Variants in FNDC3A observed in about 807,000 individuals in gnomAD.
FNDC3A encodes the protein fibronectin type-III domain-containing protein 3A.
In FNDC3A, 32 loss-of-function variants were observed where a neutral mutation model predicts 148.9. The observed-to-expected ratio is 0.21, with a 90% CI of 0.16 to 0.29. The LOEUF is 0.29. Among genes scored for constraint, FNDC3A ranks in the 10% least tolerant of loss-of-function variants. The pLI, the probability that FNDC3A is intolerant of heterozygous loss-of-function variation, is 1.00. For synonymous variants in FNDC3A, 472 were observed against 473.6 expected (o/e 1.00, Z 0.04); for missense variants, 1,191 against 1,452.8 (o/e 0.82, Z 2.93).
At chr13:48,985,282 TG>T (rs1951766665) in intron 1 of FNDC3A, among the ~76,000 whole-genome samples, 1 of 152,224 alleles carries the variant, frequency 6.6e-6, no homozygotes, top group Non-Finnish European at 1.5e-5. Context: ...TGTTAAGTTT[TG>T]AAGGAATACT....
chr13:49,176,132 C>T (rs1042222320), intron 13 of FNDC3A, among the ~76,000 whole-genome samples: 5 of 152,082 alleles, frequency 3.3e-5, no homozygotes, highest in Admixed American at 2.6e-4. Flanking sequence ...GTTCATCAGG[C>T]ATATTGGCCT....
intron 17 of FNDC3A, among the ~76,000 whole-genome samples, 170 bp from the exon 18 acceptor site, chr13:49,190,840 TATTTA>T (rs1885847949): frequency 6.6e-6 from 1 of 152,236 alleles, no homozygotes; most frequent in Non-Finnish European, 1.5e-5. Context: ...TTTGAGTTTT[TATTTA>T]ATTGGGTTTT....
intron 2 of FNDC3A, among the ~76,000 whole-genome samples, chr13:49,014,951 G>C (rs1952459332): frequency 6.6e-6 from 1 of 150,758 alleles, no homozygotes; most frequent in Non-Finnish European, 1.5e-5. Context: ...CTGTTCCATT[G>C]ATCTATATCT....
intron 3 of FNDC3A, among the ~76,000 whole-genome samples, chr13:49,114,215 A>G (rs1298188344): frequency 6.6e-6 from 1 of 151,890 alleles, no homozygotes; most frequent in East Asian, 1.9e-4. Flanking sequence ...AACTTTTGAA[A>G]ATTTTGCCTT....
intron 2 of FNDC3A, among the ~76,000 whole-genome samples, chr13:49,015,247 C>T: frequency 6.6e-6 from 1 of 152,098 alleles, no homozygotes; most frequent in South Asian, 2.1e-4. Flanking sequence ...AATGTTCTTC[C>T]ATTTGTTTGT....
chr13:49,167,230 C>T lies in FNDC3A; in HGVS notation c.978-14C>T. 6.4e-7 allele frequency: 1 copy of T among 1,557,436 alleles called. No homozygotes were observed. The highest frequency in any genetic ancestry group is 1.2e-5 in the South Asian group (1 of 86,520). Reference sequence around the variant, plus strand: ...TTATTTATCAGACATGATATATTACCCTTTTTTCCCCAGAGGAGAAGAAAC... The same window carrying T: ...TTATTTATCAGACATGATATATTACTCTTTTTTCCCCAGAGGAGAAGAAAC... On this transcript the variant is annotated splice_polypyrimidine_tract_variant and intron_variant, in intron 8 of 25. Transcript: ENST00000492622.
chr13:49,168,925 T>G (rs1884620870), intron 10 of FNDC3A, among the ~76,000 whole-genome samples, 174 bp downstream of exon 10: 1 of 152,230 alleles, frequency 6.6e-6, no homozygotes, highest in Admixed American at 6.5e-5. Context: ...TACTGGTTTT[T>G]CTTACTATAT....
chr13:49,027,523 G>A (rs1036894919), intron 2 of FNDC3A, among the ~76,000 whole-genome samples: 7 of 152,188 alleles, frequency 4.6e-5, no homozygotes, highest in African/African-American at 1.7e-4. Context: ...TACACTGTTG[G>A]TTGGCTTATA....
At chr13:49,186,685 T>C (rs1885588899) in intron 15 of FNDC3A, among the ~76,000 whole-genome samples, 1 of 152,040 alleles carries the variant, frequency 6.6e-6, no homozygotes, top group Non-Finnish European at 1.5e-5. Flanking sequence ...CTGGCCAACA[T>C]GGTGAAACCC....
intron 2 of FNDC3A, chr13:49,045,732 T>A (rs1875344029): frequency 2.1e-6 from 2 of 972,918 alleles, no homozygotes; most frequent in Admixed American, 2.6e-5. Context: ...AAAAACCCTG[T>A]CAGGATGTTT....
intron 5 of FNDC3A, among the ~76,000 whole-genome samples, chr13:49,134,297 C>T (rs1882202961): frequency 6.6e-6 from 1 of 152,242 alleles, no homozygotes; most frequent in South Asian, 2.1e-4. Flanking sequence ...AATGTTCATA[C>T]AGTATGTAGA....
At chr13:49,176,503 G>A (rs1885038747) in intron 13 of FNDC3A, among the ~76,000 whole-genome samples, 2 of 152,032 alleles carry the variant, frequency 1.3e-5, no homozygotes, top group African/African-American at 4.8e-5. Context: ...GTTAAGGGAG[G>A]GATAGCATTA....
rs968969434 is a variant in FNDC3A at position 49,207,174 on chromosome 13, G to T, written c.3376G>T (p.Asp1126Tyr). Residue 1126 changes from aspartate to tyrosine, a missense_variant, in exon 26 of 26, where the codon GAC becomes TAC. Asp to Tyr is a radical substitution (Grantham distance 160). Transcript: ENST00000492622. ...FRVCAIRQCQ[D>Y]SLGHQDLVGP... ...TGTATGTGCCATTCGCCAGTGCCAA[G>T]ACTCTCTGGGACACCAGGACCTCGT... The T allele has an allele frequency of 6.2e-7, 1 of 1,614,074 alleles. No homozygotes were observed. The highest frequency in any genetic ancestry group is 2.2e-5 in the East Asian group (1 of 44,872).
At chr13:49,049,843 C>T (rs539201484) in intron 2 of FNDC3A, among the ~76,000 whole-genome samples, 1 of 152,240 alleles carries the variant, frequency 6.6e-6, no homozygotes, top group Admixed American at 6.5e-5. Flanking sequence ...CCTTGGCCTC[C>T]TGAGTAGCTG....
chr13:49,116,692 A>G (rs763850822), intron 4 of FNDC3A, among the ~76,000 whole-genome samples: 4 of 151,838 alleles, frequency 2.6e-5, no homozygotes, highest in Non-Finnish European at 5.9e-5. Context: ...AGGCTAAAGC[A>G]GGAGAATCGC....
chr13:49,130,229 G>GTT (rs571431116), intron 4 of FNDC3A, among the ~76,000 whole-genome samples: 2 of 142,614 alleles, frequency 1.4e-5, no homozygotes, highest in African/African-American at 2.6e-5. Context: ...TTGTTTTTTG[G>GTT]TTTTTTTTTT....
At chr13:48,990,672 G>A (rs2137565509) in intron 1 of FNDC3A, among the ~76,000 whole-genome samples, 1 of 152,028 alleles carries the variant, frequency 6.6e-6, no homozygotes, top group East Asian at 1.9e-4. Context: ...TAAGTTGGGA[G>A]GATCGCTTGA....
At chr13:49,109,396 G>C (rs1195160589) in intron 3 of FNDC3A, among the ~76,000 whole-genome samples, 1 of 152,156 alleles carries the variant, frequency 6.6e-6, no homozygotes, top group African/African-American at 2.4e-5. Flanking sequence ...TACTGAAGCT[G>C]TTATTAAAAT....
intron 3 of FNDC3A, among the ~76,000 whole-genome samples, chr13:49,086,038 A>C (rs1463316130): frequency 6.6e-6 from 1 of 152,118 alleles, no homozygotes; most frequent in Non-Finnish European, 1.5e-5. Context: ...ACTTGCCATC[A>C]TGCCCGGCTA....
Sources: gnomAD v4.1 joint callset for allele counts (sites outside exome capture counted in the v4.1 genomes callset) on GRCh38, gnomAD v4.1.1 for gene constraint, MANE v1.5 for transcripts, NCBI Gene and HGNC (gene_info 2026-07-23, HGNC 2026-07-21) for gene names.